Variants in NFIA observed in about 807,000 individuals in gnomAD.
NFIA encodes nuclear factor 1 A-type.
A neutral mutation model predicts 62.8 loss-of-function variants in NFIA; 8 were observed. The observed-to-expected ratio is 0.13, with a 90% confidence interval of 0.07 to 0.23. NFIA has a LOEUF of 0.23. Among genes scored for constraint, NFIA ranks in the 10% least tolerant of loss-of-function variants. The pLI is 1.00. For synonymous variants in NFIA, 235 were observed against 238.1 expected, an observed-to-expected ratio of 0.99 and a Z score of 0.12; for missense variants, 410 against 642.1, an observed-to-expected ratio of 0.64 and a Z score of 3.91.
At chr1:61,102,667 A>G (rs981406094) in intron 2 of NFIA, among the ~76,000 whole-genome samples, 3 of 152,214 alleles carry the variant, frequency 2.0e-5, no homozygotes, top group African/African-American at 7.2e-5. Flanking sequence ...ATTTCAGGTT[A>G]GAATTATGAG....
At chr1:61,236,255 C>T (rs1655006839) in intron 2 of NFIA, among the ~76,000 whole-genome samples, 1 of 152,080 alleles carries the variant, frequency 6.6e-6, no homozygotes, top group South Asian at 2.1e-4. Context: ...AGCTGACAAA[C>T]CCAGTAGCCA....
intron 2 of NFIA, among the ~76,000 whole-genome samples, chr1:61,126,969 T>G (rs1646985516): frequency 1.3e-5 from 2 of 151,512 alleles, no homozygotes; most frequent in African/African-American, 4.9e-5. Flanking sequence ...GTTTTTGTAT[T>G]TTTAGTAGAG....
At chr1:61,427,654 C>G (rs563161191) in intron 10 of NFIA, among the ~76,000 whole-genome samples, 11 of 152,264 alleles carry the variant, frequency 7.2e-5, no homozygotes, top group African/African-American at 2.6e-4. Context: ...ACAGGTTAAA[C>G]TGCATTGTAT....
chr1:61,132,783 C>A (rs1456052638), intron 2 of NFIA: 1 of 152,106 alleles, frequency 6.6e-6, no homozygotes, highest in East Asian at 1.9e-4. Context: ...AAAGGATTAC[C>A]GAAGTTTAGA....
chr1:61,224,469 A>G (rs2100621651), intron 2 of NFIA, among the ~76,000 whole-genome samples: 1 of 152,192 alleles, frequency 6.6e-6, no homozygotes, highest in African/African-American at 2.4e-5. Flanking sequence ...TCCTTTTTTC[A>G]TGCAACCCCC....
In NFIA at chr1:61,423,536, T is replaced by TAAGA. The variant is rs536627435; in HGVS notation, c.1421-2924_1421-2921dup. 2.8e-4 allele frequency among the ~76,000 whole-genome samples: 43 copies of TAAGA among 152,300 alleles called. No individual in the cohort carries two copies. In the South Asian group the frequency reaches 8.5e-3, roughly 30 times the overall value. On this transcript the variant is annotated intron_variant, in intron 9 of 10. Transcript: ENST00000403491. ...TTGTAAATAAGGCAAGAATTGTAAT[T>TAAGA]AAGAAAGATATGAATATGATATAAT...
chr1:61,295,995 C>T (rs898509022), intron 3 of NFIA, among the ~76,000 whole-genome samples: 1 of 152,196 alleles, frequency 6.6e-6, no homozygotes, highest in East Asian at 1.9e-4. Context: ...GGGGAACATT[C>T]TTTACATTCA....
intron 2 of NFIA, among the ~76,000 whole-genome samples, chr1:61,171,846 G>A (rs1044637794): frequency 6.6e-6 from 1 of 152,186 alleles, no homozygotes; most frequent in African/African-American, 2.4e-5. Context: ...TTTGGTCCTT[G>A]AAAAACGGGA....
intron 2 of NFIA, among the ~76,000 whole-genome samples, chr1:61,268,155 T>G (rs564214980): frequency 6.6e-5 from 10 of 152,302 alleles, no homozygotes; most frequent in African/African-American, 2.2e-4. Context: ...CCATACACAA[T>G]CCTGTTTTCT....
chr1:61,131,174 T>G (rs1300815125), intron 2 of NFIA, among the ~76,000 whole-genome samples: 1 of 151,286 alleles, frequency 6.6e-6, no homozygotes, highest in Non-Finnish European at 1.5e-5. Flanking sequence ...TTTTTTTTTT[T>G]GCTAAATCTT....
At chr1:61,420,073 TA>T (rs1413804486) in intron 9 of NFIA, among the ~76,000 whole-genome samples, 1 of 152,206 alleles carries the variant, frequency 6.6e-6, no homozygotes, top group East Asian at 1.9e-4. Flanking sequence ...TGGGGGTTTC[TA>T]AATCTCTGAA....
intron 2 of NFIA, among the ~76,000 whole-genome samples, chr1:61,214,905 C>T (rs1413351545): frequency 6.6e-6 from 1 of 152,234 alleles, no homozygotes; most frequent in East Asian, 1.9e-4. Flanking sequence ...TCCGAGTTAC[C>T]CTTAAATGTA....
intron 7 of NFIA, among the ~76,000 whole-genome samples, chr1:61,396,766 G>A (rs566287620): frequency 4.6e-5 from 7 of 152,122 alleles, no homozygotes; most frequent in South Asian, 2.1e-4. Context: ...TGGGGAGGCC[G>A]AGGCAGGTAG....
At chr1:61,135,402 T>C (rs902080732) in intron 2 of NFIA, among the ~76,000 whole-genome samples, 4 of 152,184 alleles carry the variant, frequency 2.6e-5, no homozygotes, top group African/African-American at 4.8e-5. Flanking sequence ...CTGTTGATTG[T>C]TGAACTTTCT....
chr1:61,356,294 C>T (rs188451290), intron 5 of NFIA, among the ~76,000 whole-genome samples: 1 of 152,238 alleles, frequency 6.6e-6, no homozygotes, highest in Admixed American at 6.5e-5. Flanking sequence ...ATTTTATTTG[C>T]CAGAGTACTT....
chr1:61,441,563 T>C (rs1667585189), intron 10 of NFIA, among the ~76,000 whole-genome samples: 1 of 152,214 alleles, frequency 6.6e-6, no homozygotes, highest in Non-Finnish European at 1.5e-5. Flanking sequence ...ATTTCTGTGC[T>C]AGCATTAATT....
intron 7 of NFIA, among the ~76,000 whole-genome samples, chr1:61,394,546 G>T (rs1665169767): frequency 6.6e-6 from 1 of 152,162 alleles, no homozygotes; most frequent in Non-Finnish European, 1.5e-5. Context: ...AAATAATTTT[G>T]CCCAGATTAA....
At chr1:61,400,487 T>C (rs1485022590) in intron 7 of NFIA, among the ~76,000 whole-genome samples, 1 of 152,204 alleles carries the variant, frequency 6.6e-6, no homozygotes, top group Non-Finnish European at 1.5e-5. Flanking sequence ...TACACAAAAT[T>C]GTATTAACAT....
chr1:61,118,223 A>G (rs1386000076), intron 2 of NFIA, among the ~76,000 whole-genome samples: 2 of 152,036 alleles, frequency 1.3e-5, no homozygotes, highest in Admixed American at 6.6e-5. Context: ...AAAAAAAGAA[A>G]TATTGTCTGG....
Sources: allele counts gnomAD v4.1 joint callset (sites outside exome capture counted in the v4.1 genomes callset), GRCh38; gene constraint gnomAD v4.1.1; transcripts MANE v1.5; gene names NCBI Gene and HGNC (gene_info 2026-07-23, HGNC 2026-07-21).